The following PCDH11X variants were observed in gnomAD, a reference collection of about 807,000 sequenced individuals.
PCDH11X encodes protocadherin-11 X-linked.
In PCDH11X, 18 loss-of-function variants were observed where a neutral mutation model predicts 53.3. The ratio of observed to expected loss-of-function variants is 0.34; its 90% confidence interval spans 0.23 to 0.50. The LOEUF is 0.50. PCDH11X is among the 20% of genes least tolerant of loss of function. The pLI is 0.98. For synonymous variants in PCDH11X, 279 were observed against 393.3 expected (o/e 0.71, Z 3.44); for missense variants, 570 against 1,032.4 (o/e 0.55, Z 6.14).
At chrX:91,974,566 G>T (rs1035644193) in intron 6 of PCDH11X, among the ~76,000 whole-genome samples, 17 of 110,124 alleles carry the variant, frequency 1.5e-4, no homozygotes, top group African/African-American at 5.3e-4. Context: ...AAGGTGTTCA[G>T]TGTGGCTAAA....
At chrX:91,866,581 T>C (rs1453716398) in intron 5 of PCDH11X, among the ~76,000 whole-genome samples, 1 of 111,456 alleles carries the variant, frequency 9.0e-6, no homozygotes, top group Non-Finnish European at 1.9e-5. Flanking sequence ...AGAAGCTCTC[T>C]GTACCATGAG....
chrX:92,309,035 G>C (rs1451737170), intron 8 of PCDH11X, among the ~76,000 whole-genome samples: 1 of 111,279 alleles, frequency 9.0e-6, no homozygotes, highest in Non-Finnish European at 1.9e-5. Context: ...GTGCATTGTT[G>C]GTTGGAATGT....
chrX:92,201,775 T>A (rs1438305943), intron 7 of PCDH11X, among the ~76,000 whole-genome samples: 1 of 112,469 alleles, frequency 8.9e-6, no homozygotes. Flanking sequence ...ACTGCTGTTT[T>A]ATAATATGAC....
chrX:92,006,800 G>T (rs2062607334), intron 6 of PCDH11X, among the ~76,000 whole-genome samples: 1 of 111,321 alleles, frequency 9.0e-6, no homozygotes, highest in Middle Eastern at 4.3e-3. Context: ...GATCTAAGCA[G>T]TATCTTCTTT....
chrX:92,367,157 C>T (rs1257551949), intron 8 of PCDH11X, among the ~76,000 whole-genome samples: 2 of 110,511 alleles, frequency 1.8e-5, no homozygotes, highest in Non-Finnish European at 3.8e-5. Context: ...TAAGAACTTG[C>T]TTTATGAATC....
intron 10 of PCDH11X, among the ~76,000 whole-genome samples, chrX:92,476,773 G>A (rs1459331378): frequency 2.0e-5 from 1 of 50,868 alleles, no homozygotes; most frequent in Non-Finnish European, 3.1e-5. Context: ...CAAGAAGCCC[G>A]AAGCCCAGGA....
chrX:92,182,331 A>G (rs142963438), intron 6 of PCDH11X, among the ~76,000 whole-genome samples: 2,122 of 111,954 alleles, frequency 0.019, 27 homozygotes, highest in Non-Finnish European at 0.03. Flanking sequence ...GAAGTAACTA[A>G]CTTGCTTTTC....
At chrX:92,145,171 G>T (rs2065249236) in intron 6 of PCDH11X, among the ~76,000 whole-genome samples, 1 of 110,995 alleles carries the variant, frequency 9.0e-6, no homozygotes, top group South Asian at 3.8e-4. Context: ...GTATACAATG[G>T]CTCTAATTTT....
At chrX:92,063,338 T>C (rs1165481370) in intron 6 of PCDH11X, among the ~76,000 whole-genome samples, 1 of 103,771 alleles carries the variant, frequency 9.6e-6, no homozygotes, top group Non-Finnish European at 2.0e-5. Context: ...CTTAAAGTAT[T>C]AAAAAAAAAA....
chrX:92,012,816 G>A (rs776992074), intron 6 of PCDH11X, among the ~76,000 whole-genome samples: 1 of 111,770 alleles, frequency 8.9e-6, no homozygotes, highest in South Asian at 3.7e-4. Context: ...GTGAGTCATG[G>A]AAATTTTTTA....
At chrX:91,853,778 T>C (rs1938170178) in intron 5 of PCDH11X, among the ~76,000 whole-genome samples, 2 of 112,088 alleles carry the variant, frequency 1.8e-5, no homozygotes, top group Admixed American at 1.9e-4. Context: ...TTTTTAGTTA[T>C]AGATTTATTT....
chrX:91,844,033 G>C (rs1331512796), intron 5 of PCDH11X, among the ~76,000 whole-genome samples: 2 of 111,369 alleles, frequency 1.8e-5, no homozygotes, highest in Non-Finnish European at 3.8e-5. Context: ...AATGATGTAA[G>C]TAAAATCTAT....
At chrX:92,083,413 A>G (rs958128356) in intron 6 of PCDH11X, among the ~76,000 whole-genome samples, 2 of 111,575 alleles carry the variant, frequency 1.8e-5, no homozygotes, top group Non-Finnish European at 3.8e-5. Context: ...ACAATACAAA[A>G]TAAACCCCAG....
chrX:92,584,238 A>T (rs1408275292), intron 10 of PCDH11X, among the ~76,000 whole-genome samples: 3 of 110,648 alleles, frequency 2.7e-5, no homozygotes, highest in African/African-American at 9.8e-5. Context: ...AAATAAGTGC[A>T]AAATAAACCC....
intron 6 of PCDH11X, among the ~76,000 whole-genome samples, chrX:92,141,830 A>G (rs955351516): frequency 8.1e-5 from 9 of 111,710 alleles, no homozygotes; most frequent in Non-Finnish European, 1.5e-4. Flanking sequence ...CAATAACTCT[A>G]TACTTAAGAA....
chrX:92,265,357 C>T (rs2067806420), intron 8 of PCDH11X, among the ~76,000 whole-genome samples: 1 of 110,818 alleles, frequency 9.0e-6, no homozygotes, highest in African/African-American at 3.3e-5. Context: ...TTAGTGGTTG[C>T]TCAGGTTTGA....
intron 6 of PCDH11X, among the ~76,000 whole-genome samples, chrX:91,972,296 T>C (rs1313086905): frequency 1.0e-5 from 1 of 95,494 alleles, no homozygotes; most frequent in Non-Finnish European, 2.1e-5. Flanking sequence ...GATGGGGTTG[T>C]TTGTTTTTTT....
intron 5 of PCDH11X, among the ~76,000 whole-genome samples, chrX:91,874,276 A>T (rs2147720892): frequency 9.0e-6 from 1 of 111,169 alleles, no homozygotes; most frequent in Non-Finnish European, 1.9e-5. Context: ...ATTTACTTAC[A>T]TTCAATGTTG....
intron 10 of PCDH11X, among the ~76,000 whole-genome samples, chrX:92,569,471 A>G (rs1351194155): frequency 1.8e-5 from 2 of 108,690 alleles, no homozygotes; most frequent in Non-Finnish European, 3.8e-5. Context: ...AAAATTGTAG[A>G]AAATACTAAA....
Sources: gnomAD v4.1 joint callset for allele counts (sites outside exome capture counted in the v4.1 genomes callset) on GRCh38, gnomAD v4.1.1 for gene constraint, MANE v1.5 for transcripts, NCBI Gene and HGNC (gene_info 2026-07-23, HGNC 2026-07-21) for gene names.